Variants in CEP55 observed in about 807,000 individuals in gnomAD.
CEP55 encodes the protein centrosomal protein 55, also known as centrosomal protein of 55 kDa.
Under a neutral mutation model 63.2 loss-of-function variants are expected in CEP55, and 57 were observed. The ratio of observed to expected loss-of-function variants is 0.90; its 90% CI spans 0.73 to 1.13. CEP55 has a LOEUF of 1.13. Among genes scored for constraint, CEP55 ranks in the 50% most tolerant of loss-of-function variants. CEP55 has a pLI of 0.00. For missense variants in CEP55, 456 were observed against 518.9 expected, an observed-to-expected ratio of 0.88 and a Z score of 1.18; for synonymous variants, 178 against 191.6, an observed-to-expected ratio of 0.93 and a Z score of 0.59.
At chr10:93,504,474 A>AG (rs1589647643) in intron 3 of CEP55, among the ~76,000 whole-genome samples, 1 of 150,044 alleles carries the variant, frequency 6.7e-6, no homozygotes, top group Non-Finnish European at 1.5e-5. Flanking sequence ...CTCTGTCTCA[A>AG]AAAAAAAAAA....
chr10:93,498,612 A>ATTTCACAC (rs2057599450), intron 1 of CEP55, among the ~76,000 whole-genome samples: 1 of 152,142 alleles, frequency 6.6e-6, no homozygotes, highest in Admixed American at 6.5e-5. Flanking sequence ...AGACGTTCTG[A>ATTTCACAC]TTTCACACAG....
chr10:93,517,787 C>T (rs900652258), intron 6 of CEP55, among the ~76,000 whole-genome samples: 6 of 152,228 alleles, frequency 3.9e-5, no homozygotes, highest in African/African-American at 1.4e-4. Flanking sequence ...TGGAATTGAA[C>T]AGTACTTTGA....
intron 4 of CEP55, among the ~76,000 whole-genome samples, chr10:93,514,749 G>A (rs1192769653): frequency 6.6e-6 from 1 of 152,216 alleles, no homozygotes; most frequent in African/African-American, 2.4e-5. Context: ...CACTCACCAT[G>A]CAGCTGGGCA....
chr10:93,519,856 A>G (rs954034923), intron 8 of CEP55, 49 bp downstream of exon 8: 2 of 1,603,400 alleles, frequency 1.2e-6, no homozygotes, highest in Non-Finnish European at 1.7e-6. Flanking sequence ...TTCCATTTAT[A>G]TACCAAATCA....
In CEP55 at chr10:93,528,116, G is replaced by A. The variant is rs767321494; in HGVS notation, c.1358G>A (p.Arg453His). The A allele has an allele frequency of 1.3e-5, 21 of 1,613,856 alleles. No individual in the cohort carries two copies. Among genetic ancestry groups the A allele is most frequent in the Middle Eastern group, 1.6e-4 (1 of 6,084 alleles). ...CNIQYPATEH[R>H]DLLVHVEYCS... ...ATACAGTATCCAGCCACTGAGCATC[G>A]CGATCTGCTTGTCCATGTGGAATAC... The change falls in exon 9 of 9, where the codon CGC (arginine) becomes CAC (histidine). Residue 453 changes from arginine (R) to histidine (H), a missense_variant. Transcript: ENST00000371485.
In CEP55 at chr10:93,519,823, T is replaced by C. The variant is rs1471404602; in HGVS notation, c.1191+16T>C. 3 of 1,613,644 alleles carry C rather than the reference T, an allele frequency of 1.9e-6. No individual in the cohort carries two copies. Among genetic ancestry groups the C allele is most frequent in the Non-Finnish European group, 2.5e-6 (3 of 1,179,970 alleles). ...GGAATCCTTGGTGAGTCTGGAATGATTAAACTAAAATTTGTCTTCGTCTTC... is the reference window on the plus strand; with the variant it reads ...GGAATCCTTGGTGAGTCTGGAATGACTAAACTAAAATTTGTCTTCGTCTTC... On this transcript the variant is annotated intron_variant, in intron 8 of 8. Transcript: ENST00000371485.
intron 5 of CEP55, among the ~76,000 whole-genome samples, chr10:93,516,599 G>A (rs1293587749): frequency 6.6e-6 from 1 of 152,034 alleles, no homozygotes; most frequent in African/African-American, 2.4e-5. Flanking sequence ...TCAGGCAACT[G>A]CTCTTAATAT....
chr10:93,498,047 G>A (rs11187470), intron 1 of CEP55, among the ~76,000 whole-genome samples: 6 of 151,696 alleles, frequency 4.0e-5, no homozygotes, highest in Non-Finnish European at 8.8e-5. Context: ...CCTTGAACCC[G>A]GGAGGCGGAG....
In CEP55 at chr10:93,519,808, G is replaced by A. The variant is rs747893451; in HGVS notation, c.1191+1G>A. The A allele has an allele frequency of 6.8e-6, 11 of 1,614,006 alleles. No homozygotes were observed. The highest frequency in any genetic ancestry group is 1.7e-5 in the Admixed American group (1 of 60,020). ...TCAAATAACACAGTTGGAATCCTTGGTGAGTCTGGAATGATTAAACTAAAA... is the reference window on the plus strand; with the variant it reads ...TCAAATAACACAGTTGGAATCCTTGATGAGTCTGGAATGATTAAACTAAAA... On this transcript the variant is annotated splice_donor_variant, in intron 8 of 8. Coordinates refer to ENST00000371485, the MANE Select transcript of CEP55 (RefSeq NM_018131.5). LOFTEE classifies it high-confidence loss of function.
At chr10:93,520,134 A>C (rs1564768380) in intron 8 of CEP55, 3 of 319,276 alleles carry the variant, frequency 9.4e-6, no homozygotes. Flanking sequence ...TATCTATTAA[A>C]AAAGAAAGAA....
chr10:93,519,241 T>C lies in CEP55; in HGVS notation c.1065+293T>C, dbSNP rs1262580096. 1.2e-5 allele frequency: 5 copies of C among 422,206 alleles called. No homozygotes were observed. The East Asian group carries it at 2.1e-4, about 17-fold the overall frequency. The allele number at this position is 422,206 out of a possible 1,614,324, so 26.2% of individuals were successfully genotyped here. ...GCTCTTCCCCAGTGGCTGTAGCTCC[T>C]AGCCTAACAATGTCTCCTAAGTAGG... On this transcript the variant is annotated intron_variant, in intron 7 of 8. Coordinates refer to ENST00000371485, the MANE Select transcript of CEP55 (RefSeq NM_018131.5).
At chr10:93,497,468 G>T (rs535913088) in intron 1 of CEP55, among the ~76,000 whole-genome samples, 6 of 152,004 alleles carry the variant, frequency 3.9e-5, no homozygotes, top group South Asian at 2.1e-4. Flanking sequence ...GTTTCGCCAT[G>T]TTGGGCAGGC....
chr10:93,515,133 C>G lies in CEP55; in HGVS notation c.529-272C>G, dbSNP rs10882258. On this transcript the variant is annotated intron_variant, in intron 4 of 8. Transcript: ENST00000371485. ...GTTCATCTCCATGTCTGTCATAAAA[C>G]GTGTTTTAGTTTACAGAGAATGACA... Among the ~76,000 whole-genome samples, 122,015 of 152,194 alleles carry G rather than the reference C, an allele frequency of 0.8. 48,933 individuals are homozygous for G. The highest frequency in any genetic ancestry group is 0.86 in the Admixed American group (13,100 of 15,286).
intron 4 of CEP55, among the ~76,000 whole-genome samples, chr10:93,514,494 A>G (rs2057782710): frequency 6.6e-6 from 1 of 152,244 alleles, no homozygotes; most frequent in Non-Finnish European, 1.5e-5. Context: ...GGGGAGCAAG[A>G]TCTGTGCAAG....
At chr10:93,509,652 A>G (rs1410109515) in intron 4 of CEP55, among the ~76,000 whole-genome samples, 2 of 151,870 alleles carry the variant, frequency 1.3e-5, no homozygotes, top group Admixed American at 6.6e-5. Context: ...TGCCCAGCTG[A>G]TTTTTGTACT....
intron 1 of CEP55, among the ~76,000 whole-genome samples, chr10:93,497,612 T>TAAC (rs958897579): frequency 7.5e-5 from 11 of 146,928 alleles, no homozygotes; most frequent in African/African-American, 2.3e-4. Flanking sequence ...GCTCTGTGGG[T>TAAC]AACAACAACA....
chr10:93,522,230 A>T (rs2057872197), intron 8 of CEP55, among the ~76,000 whole-genome samples: 1 of 152,266 alleles, frequency 6.6e-6, no homozygotes, highest in Non-Finnish European at 1.5e-5. Context: ...ACCAATGCAG[A>T]GAAGTCCTTA....
chr10:93,509,127 GCTAA>G (rs1312207940), intron 4 of CEP55, among the ~76,000 whole-genome samples: 1 of 152,132 alleles, frequency 6.6e-6, no homozygotes, highest in Admixed American at 6.5e-5. Flanking sequence ...GCATCTCAGT[GCTAA>G]CTGCTTCAGA....
intron 8 of CEP55, among the ~76,000 whole-genome samples, chr10:93,524,263 A>C (rs2057896138): frequency 6.6e-6 from 1 of 152,242 alleles, no homozygotes; most frequent in East Asian, 1.9e-4. Flanking sequence ...GGGATATCAC[A>C]CCGATCCCAC....
Sources: allele counts gnomAD v4.1 joint callset (sites outside exome capture counted in the v4.1 genomes callset), GRCh38; gene constraint gnomAD v4.1.1; transcripts MANE v1.5; gene names NCBI Gene and HGNC (gene_info 2026-07-23, HGNC 2026-07-21).